KIRREL3: variants seen among roughly 807,000 people sequenced by gnomAD.
The protein encoded by KIRREL3 is kirre like nephrin family adhesion molecule 3.
A neutral mutation model predicts 89.7 loss-of-function variants in KIRREL3; 36 were observed. The ratio of observed to expected loss-of-function variants is 0.40; its 90% confidence interval spans 0.31 to 0.53. The LOEUF is 0.53. Among genes scored for constraint, KIRREL3 ranks in the 20% least tolerant of loss-of-function variants. The probability of loss-of-function intolerance (pLI) is 0.49; values close to 1 mark genes in which losing one functional copy is unlikely to be tolerated. For missense variants in KIRREL3, 864 were observed against 1,056.6 expected, an observed-to-expected ratio of 0.82 and a Z score of 2.53; for synonymous variants, 445 against 441.4, an observed-to-expected ratio of 1.01 and a Z score of -0.10.
Position 126,739,314 on chromosome 11 carries a change from C to A in KIRREL3, c.56-176402G>T, listed in dbSNP as rs1948905335. On this transcript the variant is annotated intron_variant, in intron 1 of 16. Coordinates refer to ENST00000525144, the MANE Select transcript of KIRREL3 (RefSeq NM_032531.4). This position sits in a 1 kb window ranked among gnomAD's most constrained non-coding sequence, Gnocchi z 5.5. The stretch of plus-strand genomic sequence containing the variant: ...TTGGCATGGTTATGGGGCTTCTCTG[C>A]AAATTGCTTCATCCTCCTCTGCATA... Among the ~76,000 whole-genome samples, 1 of 152,228 alleles carries A rather than the reference C, an allele frequency of 6.6e-6. No individual in the cohort carries two copies. The highest frequency in any genetic ancestry group is 6.5e-5 in the Admixed American group (1 of 15,290).
intron 1 of KIRREL3, among the ~76,000 whole-genome samples, chr11:126,785,694 T>A (rs1449579434): frequency 6.6e-6 from 1 of 151,804 alleles, no homozygotes; most frequent in African/African-American, 2.4e-5. Context: ...TCCAACATGG[T>A]GAAACTCTGT....
rs1948789793 is a variant in KIRREL3, at chr11:126,736,082, T to A, written c.56-173170A>T. The stretch of plus-strand genomic sequence containing the variant: ...TGCCTAGCAGAGAGTACATGTTGAA[T>A]ACATTTATTAGTTTCTTTCTTTCCA... On this transcript the variant is annotated intron_variant, in intron 1 of 16. Coordinates refer to ENST00000525144, the MANE Select transcript of KIRREL3 (RefSeq NM_032531.4). This position sits in a 1 kb window ranked among gnomAD's most constrained non-coding sequence, Gnocchi z 5.0. 6.6e-6 allele frequency among the ~76,000 whole-genome samples: 1 copy of A among 152,124 alleles called. No homozygotes were observed. The highest frequency in any genetic ancestry group is 1.9e-4 in the East Asian group (1 of 5,186).
At chr11:126,827,035 C>T (rs993794253) in intron 1 of KIRREL3, among the ~76,000 whole-genome samples, 1 of 152,100 alleles carries the variant, frequency 6.6e-6, no homozygotes, top group Non-Finnish European at 1.5e-5. Flanking sequence ...TGGGGTGCTC[C>T]CCACCCAAGC....
chr11:126,805,871 C>G lies in KIRREL3; in HGVS notation c.55+194584G>C, dbSNP rs1025245474. 5.3e-5 allele frequency among the ~76,000 whole-genome samples: 8 copies of G among 152,200 alleles called. No homozygotes were observed. Among genetic ancestry groups the G allele is most frequent in the African/African-American group, 1.9e-4 (8 of 41,442 alleles). On this transcript the variant is annotated intron_variant, in intron 1 of 16. Coordinates refer to ENST00000525144, the MANE Select transcript of KIRREL3 (RefSeq NM_032531.4). The surrounding 1 kb of genome is among the most constrained non-coding windows in gnomAD (Gnocchi z 4.3). ...CCCCAGCAGACCAGAGAGTCAAACCCAACCCAGTGGGCCTGGGCAGGTGCC... is the reference window on the plus strand; with the variant it reads ...CCCCAGCAGACCAGAGAGTCAAACCGAACCCAGTGGGCCTGGGCAGGTGCC...
intron 1 of KIRREL3, among the ~76,000 whole-genome samples, chr11:126,585,282 A>G (rs1474292456): frequency 8.4e-6 from 1 of 119,458 alleles, no homozygotes. Flanking sequence ...CTGGGGTGCA[A>G]TGGTGCAATG....
At position 126,561,641 on chromosome 11, in the gene KIRREL3, G is replaced by C. The variant is rs1222795962; in HGVS notation, c.133+1194C>G. 6.6e-6 allele frequency among the ~76,000 whole-genome samples: 1 copy of C among 152,210 alleles called. No individual in the cohort carries two copies. Among genetic ancestry groups the C allele is most frequent in the Non-Finnish European group, 1.5e-5 (1 of 68,030 alleles). On this transcript the variant is annotated intron_variant, in intron 2 of 16. Coordinates refer to ENST00000525144, the MANE Select transcript of KIRREL3 (RefSeq NM_032531.4). The surrounding 1 kb of genome is among the most constrained non-coding windows in gnomAD (Gnocchi z 4.5). Reference sequence around the variant, plus strand: ...CACAGAAAATGCGGCCCCCAACTCTGGTTGTACTCAGCCATGGGGTTCCTA... The same window carrying C: ...CACAGAAAATGCGGCCCCCAACTCTCGTTGTACTCAGCCATGGGGTTCCTA...
intron 5 of KIRREL3, among the ~76,000 whole-genome samples, chr11:126,465,180 G>A (rs1381299817): frequency 1.3e-5 from 2 of 152,230 alleles, no homozygotes; most frequent in East Asian, 3.9e-4. Flanking sequence ...GTGCAGTCCT[G>A]TTTCCCCCGA....
intron 1 of KIRREL3, among the ~76,000 whole-genome samples, chr11:126,660,703 T>C (rs1945359614): frequency 6.6e-6 from 1 of 152,170 alleles, no homozygotes. Context: ...GCATGTCACA[T>C]TGATTGCCAA....
At position 126,521,424 on chromosome 11, in the gene KIRREL3, C is replaced by T. The variant is rs377473698; in HGVS notation, c.324G>A (p.Gly108=). ...QYLVVGNHLS[G]EHHLKILRAE... ...CCCTCAGGATCTTCAGGTGGTGCTC[C>T]CCTGACAGGTGGTTCCCTACCACCA... Residue 108 remains glycine, a synonymous_variant, in exon 4 of 17, where the codon GGG becomes GGA. Transcript: ENST00000525144. This position sits in a 1 kb window ranked among gnomAD's most constrained non-coding sequence, Gnocchi z 4.1. The T allele has an allele frequency of 2.0e-5, 31 of 1,577,802 alleles. No homozygotes were observed. In the African/African-American group the frequency reaches 3.8e-4, roughly 19 times the overall value.
At position 126,551,766 on chromosome 11, in the gene KIRREL3, C is replaced by T. The variant is rs553491295; in HGVS notation, c.133+11069G>A. On this transcript the variant is annotated intron_variant, in intron 2 of 16. Transcript: ENST00000525144. The surrounding 1 kb of genome is among the most constrained non-coding windows in gnomAD (Gnocchi z 4.9). Reference sequence around the variant, plus strand: ...GTTCAAGCGATTCTCCTGCCTCAGCCTCCTGAGTAGCTGGGATTACAGGCA... The same window carrying T: ...GTTCAAGCGATTCTCCTGCCTCAGCTTCCTGAGTAGCTGGGATTACAGGCA... Among the ~76,000 whole-genome samples the T allele has an allele frequency of 1.5e-3, 222 of 152,182 alleles. 1 individual carries two copies. Among genetic ancestry groups the T allele is most frequent in the African/African-American group, 4.9e-3 (204 of 41,504 alleles).
chr11:126,911,982 CA>C (rs34548052), intron 1 of KIRREL3, among the ~76,000 whole-genome samples: 290 of 91,658 alleles, frequency 3.2e-3, no homozygotes, highest in African/African-American at 8.2e-3. Context: ...GACTCTGTCT[CA>C]AAAAAAAAAA....
At chr11:126,907,394 G>A (rs1398106215) in intron 1 of KIRREL3, among the ~76,000 whole-genome samples, 5 of 152,154 alleles carry the variant, frequency 3.3e-5, no homozygotes, top group Non-Finnish European at 7.3e-5. Context: ...TGAAGGCTGC[G>A]ATAGAGAGGA....
intron 1 of KIRREL3, among the ~76,000 whole-genome samples, chr11:126,731,210 A>G (rs1948604796): frequency 2.0e-5 from 3 of 152,154 alleles, no homozygotes. Flanking sequence ...GGCCCTGCCC[A>G]ACTCTCCAGA....
At chr11:126,493,847 C>T (rs577016760) in intron 4 of KIRREL3, among the ~76,000 whole-genome samples, 2 of 152,100 alleles carry the variant, frequency 1.3e-5, no homozygotes, top group East Asian at 3.9e-4. Flanking sequence ...CTTCTCCCTT[C>T]CTTCAAGGCT....
At chr11:126,930,729 C>T (rs939827918) in intron 1 of KIRREL3, among the ~76,000 whole-genome samples, 1 of 152,146 alleles carries the variant, frequency 6.6e-6, no homozygotes, top group African/African-American at 2.4e-5. Context: ...GCTCCCCCAA[C>T]CCCCTCCATA....
Position 126,910,437 on chromosome 11 carries a change from C to T in KIRREL3, c.55+90018G>A, listed in dbSNP as rs566581354. 5.9e-5 allele frequency among the ~76,000 whole-genome samples: 9 copies of T among 152,110 alleles called. No individual in the cohort carries two copies. The East Asian group carries it at 1.7e-3, about 29-fold the overall frequency. On this transcript the variant is annotated intron_variant, in intron 1 of 16. Transcript: ENST00000525144. ...AGGACTTTGTAGTTGTCTGTATGAG[C>T]CAAGAGGAGCATAACAAGGATTTGA...
intron 1 of KIRREL3, among the ~76,000 whole-genome samples, chr11:126,937,517 A>G (rs1948243509): frequency 6.6e-6 from 1 of 152,144 alleles, no homozygotes; most frequent in African/African-American, 2.4e-5. Flanking sequence ...GCTTTGGAGA[A>G]AGCTTTTGCC....
At chr11:126,726,722 T>G (rs1948398078) in intron 1 of KIRREL3, among the ~76,000 whole-genome samples, 1 of 152,148 alleles carries the variant, frequency 6.6e-6, no homozygotes, top group South Asian at 2.1e-4. Context: ...TTTCCAGCTG[T>G]TTTTTCCCAC....
intron 1 of KIRREL3, among the ~76,000 whole-genome samples, chr11:126,853,046 T>G (rs1459972117): frequency 6.6e-6 from 1 of 152,210 alleles, no homozygotes; most frequent in South Asian, 2.1e-4. Flanking sequence ...ACTTAAGTTT[T>G]TTGTGTCGTG....
Sources: gnomAD v4.1 joint callset for allele counts (sites outside exome capture counted in the v4.1 genomes callset) on GRCh38, gnomAD v4.1.1 for gene constraint, Gnocchi (gnomAD v3.1) non-coding constraint, MANE v1.5 for transcripts, NCBI Gene and HGNC (gene_info 2026-07-23, HGNC 2026-07-21) for gene names.